Variants in TRMT11 observed in about 807,000 individuals in gnomAD.
TRMT11 encodes tRNA methyltransferase 11.
In TRMT11, 53 loss-of-function variants were observed where a neutral mutation model predicts 62.8. The observed-to-expected ratio is 0.84, with a 90% CI of 0.68 to 1.06. TRMT11 has a LOEUF of 1.06. Ranked by LOEUF, TRMT11 falls within the 50% of genes least tolerant of loss-of-function variation. The probability of loss-of-function intolerance (pLI) is 0.00; values close to 1 mark genes in which losing one functional copy is unlikely to be tolerated. For synonymous variants in TRMT11, 188 were observed against 190.3 expected (o/e 0.99, Z 0.10); for missense variants, 556 against 553.4 (o/e 1.00, Z -0.05).
chr6:126,004,054 T>C (rs1792953642), intron 7 of TRMT11, among the ~76,000 whole-genome samples: 1 of 152,138 alleles, frequency 6.6e-6, no homozygotes, highest in South Asian at 2.1e-4. Context: ...ATTCTTAATC[T>C]TGTTCTTGGA....
At chr6:126,215,578 C>T in the TRMT11 span, among the ~76,000 whole-genome samples, 1 of 151,884 alleles carries the variant, frequency 6.6e-6, no homozygotes, top group Non-Finnish European at 1.5e-5. Context: ...CTATGTGTCT[C>T]TTTATAAGTG....
chr6:126,117,417 T>A (rs181333928), intron 21 of TRMT11, among the ~76,000 whole-genome samples: 15 of 152,212 alleles, frequency 9.9e-5, no homozygotes, highest in African/African-American at 3.6e-4. Context: ...ACATTTTCTC[T>A]CTGTGTGTCA....
the TRMT11 span, among the ~76,000 whole-genome samples, chr6:126,262,751 C>A: frequency 6.6e-6 from 1 of 152,122 alleles, no homozygotes; most frequent in African/African-American, 2.4e-5. Flanking sequence ...TTACATTTTC[C>A]CTGTAAGAAG....
At position 126,038,955 on chromosome 6, in the gene TRMT11, A is replaced by G; in HGVS notation, c.*119A>G. ...GGTTTTAAAATATTTTATATAGAAA[A>G]GCTACAAAGTAAATTGAGCAATGCT... On this transcript the variant is annotated 3_prime_UTR_variant, in exon 13 of 13. Transcript: ENST00000334379. 1.2e-6 allele frequency: 1 copy of G among 851,456 alleles called. No individual in the cohort carries two copies. Among genetic ancestry groups the G allele is most frequent in the East Asian group, 2.9e-5 (1 of 34,950 alleles). The allele number at this position is 851,456 out of a possible 1,614,324, so 52.7% of individuals were successfully genotyped here.
chr6:126,075,590 G>T (rs1287132357), intron 17 of TRMT11, among the ~76,000 whole-genome samples: 2 of 151,898 alleles, frequency 1.3e-5, no homozygotes, highest in Admixed American at 6.6e-5. Flanking sequence ...CATGCTTCCT[G>T]TACAGCCTGT....
At chr6:126,230,099 C>T in the TRMT11 span, among the ~76,000 whole-genome samples, 22 of 152,176 alleles carry the variant, frequency 1.4e-4, no homozygotes, top group Admixed American at 4.6e-4. Context: ...AAAGGAGAGA[C>T]GTGGAACCAG....
At chr6:126,176,149 T>C (rs1359305506), upstream of TRMT11, among the ~76,000 whole-genome samples, 1 of 152,166 alleles carries the variant, frequency 6.6e-6, no homozygotes, top group Non-Finnish European at 1.5e-5. Context: ...TACAAGACTT[T>C]AAGGAAGTCA....
the TRMT11 span, among the ~76,000 whole-genome samples, chr6:126,267,082 T>C: frequency 2.0e-5 from 3 of 152,304 alleles, no homozygotes; most frequent in South Asian, 2.1e-4. Context: ...GTCTGCCCAT[T>C]GCTAGTGTGG....
the TRMT11 span, among the ~76,000 whole-genome samples, chr6:126,251,435 A>G: frequency 6.6e-6 from 1 of 152,190 alleles, no homozygotes; most frequent in Admixed American, 6.5e-5. Context: ...AAGCTAATTA[A>G]TATACTCCTT....
At chr6:126,022,412 G>T (rs1166909927) in intron 12 of TRMT11, among the ~76,000 whole-genome samples, 3 of 152,016 alleles carry the variant, frequency 2.0e-5, no homozygotes, top group Non-Finnish European at 4.4e-5. Context: ...CCATCTTACG[G>T]ATTATTTCAT....
chr6:126,011,110 T>C (rs1373833441), intron 8 of TRMT11, 143 bp from the exon 9 acceptor site: 13 of 604,404 alleles, frequency 2.2e-5, no homozygotes, highest in Non-Finnish European at 3.1e-5. Context: ...TATTTACTTG[T>C]ATACATAAAA....
chr6:126,074,582 C>T (rs565576017), intron 17 of TRMT11, among the ~76,000 whole-genome samples: 3 of 152,098 alleles, frequency 2.0e-5, no homozygotes, highest in Non-Finnish European at 4.4e-5. Context: ...GCTAGTTAGG[C>T]CATGGGCAAT....
chr6:126,183,871 TGAGA>T (rs1468076642), intron 1 of TRMT11, among the ~76,000 whole-genome samples: 1 of 152,106 alleles, frequency 6.6e-6, no homozygotes, highest in Non-Finnish European at 1.5e-5. Flanking sequence ...GCGAGCAACC[TGAGA>T]GAGAGTTACC....
At chr6:126,202,020 T>A (rs1390987771) in intron 3 of TRMT11, 1 of 152,190 alleles carries the variant, frequency 6.6e-6, no homozygotes, top group African/African-American at 2.4e-5. Flanking sequence ...TATGTTTGTA[T>A]TCTCCAGAGT....
chr6:126,168,256 CTTTATGGTTT>C (rs1778290987), intron 21 of TRMT11, among the ~76,000 whole-genome samples: 1 of 152,170 alleles, frequency 6.6e-6, no homozygotes, highest in African/African-American at 2.4e-5. Context: ...AGGGGGAGTT[CTTTATGGTTT>C]CTCCAACAGT....
intron 17 of TRMT11, among the ~76,000 whole-genome samples, chr6:126,077,895 C>G (rs1407900859): frequency 6.6e-6 from 1 of 152,122 alleles, no homozygotes; most frequent in Non-Finnish European, 1.5e-5. Flanking sequence ...TGGTGAGAGT[C>G]AGAGATCCTT....
At chr6:126,008,349 T>C (rs748510589) in intron 7 of TRMT11, 43 bp from the exon 8 acceptor site, 8 of 1,526,348 alleles carry the variant, frequency 5.2e-6, no homozygotes, top group Admixed American at 1.7e-5. Context: ...AACAGGAGTT[T>C]GGGACTTACT....
chr6:126,044,992 C>T (rs1776006279), intron 16 of TRMT11, among the ~76,000 whole-genome samples: 1 of 152,038 alleles, frequency 6.6e-6, no homozygotes, highest in African/African-American at 2.4e-5. Flanking sequence ...TTGAGATCAG[C>T]CTGGCCAACA....
chr6:126,000,676 T>C (rs1033106567), intron 7 of TRMT11, among the ~76,000 whole-genome samples: 17 of 152,146 alleles, frequency 1.1e-4, no homozygotes, highest in African/African-American at 3.9e-4. Flanking sequence ...ACTTAAGGAA[T>C]ATGACCACAT....
Sources: allele counts gnomAD v4.1 joint callset (sites outside exome capture counted in the v4.1 genomes callset), GRCh38; gene constraint gnomAD v4.1.1; transcripts MANE v1.5; gene names NCBI Gene and HGNC (gene_info 2026-07-23, HGNC 2026-07-21).